GALNT13: variants seen among roughly 807,000 people sequenced by gnomAD.
The protein encoded by GALNT13 is polypeptide N-acetylgalactosaminyltransferase 13.
GALNT13 carries 28 observed loss-of-function variants against 64.2 expected under a neutral mutation model. The ratio of observed to expected loss-of-function variants is 0.44; its 90% CI spans 0.32 to 0.60. The LOEUF is 0.60. Ranked by LOEUF, GALNT13 falls within the 20% of genes least tolerant of loss-of-function variation. GALNT13 has a pLI of 0.05. For synonymous variants in GALNT13, 214 were observed against 224.6 expected (o/e 0.95, Z 0.42); for missense variants, 577 against 669.8 (o/e 0.86, Z 1.53).
At chr2:153,252,247 T>G in the GALNT13 span, among the ~76,000 whole-genome samples, 2 of 131,778 alleles carry the variant, frequency 1.5e-5, no homozygotes, top group Non-Finnish European at 3.2e-5. Context: ...TTTCATGTGT[T>G]TTTTGGCTGC....
chr2:153,201,906 C>G, the GALNT13 span, among the ~76,000 whole-genome samples: 2 of 151,500 alleles, frequency 1.3e-5, no homozygotes, highest in Admixed American at 1.3e-4. Context: ...TATACCCTTT[C>G]ATGTCAATGA....
chr2:153,733,293 G>A, the GALNT13 span, among the ~76,000 whole-genome samples: 18 of 152,232 alleles, frequency 1.2e-4, no homozygotes, highest in East Asian at 3.9e-4. Flanking sequence ...GTCCATCGAC[G>A]TAGATTAGAA....
intron 3 of GALNT13, among the ~76,000 whole-genome samples, chr2:154,072,491 T>C (rs145404677): frequency 2.4e-4 from 36 of 152,220 alleles, no homozygotes; most frequent in African/African-American, 8.4e-4. Flanking sequence ...TTCATTATAG[T>C]GTATATAAGA....
At chr2:153,165,975 A>C in the GALNT13 span, among the ~76,000 whole-genome samples, 99 of 152,340 alleles carry the variant, frequency 6.5e-4, no homozygotes, top group African/African-American at 2.4e-3. Context: ...CTTAATGTCT[A>C]AATAGATTAA....
At chr2:153,866,128 A>G in the GALNT13 span, among the ~76,000 whole-genome samples, 1 of 111,828 alleles carries the variant, frequency 8.9e-6, no homozygotes, top group African/African-American at 3.4e-5. Context: ...ACATGGACAC[A>G]GGAAGGGGAA....
the GALNT13 span, among the ~76,000 whole-genome samples, chr2:153,372,684 C>T: frequency 6.6e-6 from 1 of 151,628 alleles, no homozygotes; most frequent in Non-Finnish European, 1.5e-5. Context: ...GCAGAAGAAA[C>T]CTGGATTTTA....
At chr2:153,393,235 T>C in the GALNT13 span, among the ~76,000 whole-genome samples, 1 of 151,916 alleles carries the variant, frequency 6.6e-6, no homozygotes, top group Non-Finnish European at 1.5e-5. Flanking sequence ...TTAATTTATT[T>C]TGTAGTCTCA....
the GALNT13 span, among the ~76,000 whole-genome samples, chr2:153,499,314 C>G: frequency 6.6e-6 from 1 of 152,178 alleles, no homozygotes; most frequent in Non-Finnish European, 1.5e-5. Context: ...TTGTTCGAGT[C>G]TGGCTAAGTC....
At chr2:153,344,837 T>G in the GALNT13 span, among the ~76,000 whole-genome samples, 1 of 152,214 alleles carries the variant, frequency 6.6e-6, no homozygotes, top group Non-Finnish European at 1.5e-5. Context: ...TGTATGCATG[T>G]ATCAAAGCAT....
chr2:153,827,000 C>G, the GALNT13 span, among the ~76,000 whole-genome samples: 1 of 152,062 alleles, frequency 6.6e-6, no homozygotes, highest in Non-Finnish European at 1.5e-5. Flanking sequence ...TTGTATTAGT[C>G]TGTTTTCACA....
At chr2:153,874,661 T>C (rs529948317) in intron 1 of GALNT13, among the ~76,000 whole-genome samples, 1 of 152,114 alleles carries the variant, frequency 6.6e-6, no homozygotes, top group Non-Finnish European at 1.5e-5. Flanking sequence ...AGTTACCAGG[T>C]ATGCTAAGGA....
chr2:153,663,206 T>C, the GALNT13 span, among the ~76,000 whole-genome samples: 3 of 152,332 alleles, frequency 2.0e-5, no homozygotes, highest in East Asian at 5.8e-4. Context: ...TAAAAACTTC[T>C]ATAACCACCA....
chr2:154,116,714 C>T (rs540376674), intron 3 of GALNT13, among the ~76,000 whole-genome samples: 3 of 152,230 alleles, frequency 2.0e-5, no homozygotes, highest in African/African-American at 7.2e-5. Context: ...CAGTGTTCTC[C>T]ATACTATTAG....
chr2:154,108,113 C>G (rs112618831), intron 3 of GALNT13, among the ~76,000 whole-genome samples: 1 of 151,838 alleles, frequency 6.6e-6, no homozygotes, highest in Admixed American at 6.6e-5. Context: ...GATAAATACA[C>G]AGAAGTGGGA....
At chr2:153,656,327 TG>T in the GALNT13 span, among the ~76,000 whole-genome samples, 1 of 149,076 alleles carries the variant, frequency 6.7e-6, no homozygotes. Context: ...AGTGTGTGTG[TG>T]TGTGTGTGTG....
the GALNT13 span, among the ~76,000 whole-genome samples, chr2:153,832,092 G>A: frequency 6.6e-6 from 1 of 152,086 alleles, no homozygotes; most frequent in Non-Finnish European, 1.5e-5. Flanking sequence ...CACTGGAGAT[G>A]TTTGTAGCTA....
At chr2:154,028,988 A>G (rs894827218) in intron 3 of GALNT13, among the ~76,000 whole-genome samples, 9 of 152,038 alleles carry the variant, frequency 5.9e-5, no homozygotes, top group African/African-American at 1.9e-4. Flanking sequence ...CCTGGAGCAG[A>G]TACTGCCAGA....
chr2:153,694,601 G>A, the GALNT13 span, among the ~76,000 whole-genome samples: 4 of 152,188 alleles, frequency 2.6e-5, no homozygotes, highest in African/African-American at 7.2e-5. Flanking sequence ...TTTACCTTTG[G>A]GAGAGTCTTG....
chr2:153,743,988 T>C, the GALNT13 span, among the ~76,000 whole-genome samples: 1 of 152,176 alleles, frequency 6.6e-6, no homozygotes, highest in Non-Finnish European at 1.5e-5. Flanking sequence ...TCCATGTTGC[T>C]GTGAATGACA....
Sources: allele counts gnomAD v4.1 joint callset (sites outside exome capture counted in the v4.1 genomes callset), GRCh38; gene constraint gnomAD v4.1.1; transcripts MANE v1.5; gene names NCBI Gene and HGNC (gene_info 2026-07-23, HGNC 2026-07-21).